Variants in NRXN3 observed in about 807,000 individuals in gnomAD.
The protein encoded by NRXN3 is neurexin III.
NRXN3 carries 32 observed loss-of-function variants against 137.6 expected under a neutral mutation model. The observed-to-expected ratio is 0.23, with a 90% CI of 0.18 to 0.31. The LOEUF is 0.31. NRXN3 is among the 10% of genes least tolerant of loss of function. The pLI is 1.00. For missense variants in NRXN3, 1,574 were observed against 2,062.5 expected (o/e 0.76, Z 4.59); for synonymous variants, 798 against 784.5 (o/e 1.02, Z -0.29).
intron 19 of NRXN3, among the ~76,000 whole-genome samples, chr14:79,714,656 T>C (rs1019067505): frequency 2.6e-5 from 4 of 152,114 alleles, no homozygotes; most frequent in Non-Finnish European, 5.9e-5. Context: ...GGAAATAAAT[T>C]ACATAAAACA....
At chr14:78,820,493 C>G (rs1465156948) in intron 10 of NRXN3, among the ~76,000 whole-genome samples, 1 of 148,352 alleles carries the variant, frequency 6.7e-6, no homozygotes, top group African/African-American at 2.5e-5. Context: ...AATCACATAG[C>G]TTTTTAACTC....
chr14:78,861,113 G>A (rs1456744189), intron 10 of NRXN3, among the ~76,000 whole-genome samples: 1 of 152,020 alleles, frequency 6.6e-6, no homozygotes, highest in African/African-American at 2.4e-5. Flanking sequence ...CTGCATAAAA[G>A]TCTTCACAAA....
intron 20 of NRXN3, among the ~76,000 whole-genome samples, chr14:79,810,337 G>A (rs2099227392): frequency 6.6e-6 from 1 of 152,128 alleles, no homozygotes; most frequent in Admixed American, 6.5e-5. Flanking sequence ...TTTCTTAAAT[G>A]TCCTTTGATC....
intron 20 of NRXN3, among the ~76,000 whole-genome samples, chr14:79,852,775 A>C (rs1370304380): frequency 6.6e-6 from 1 of 152,050 alleles, no homozygotes; most frequent in Non-Finnish European, 1.5e-5. Flanking sequence ...CTGGTTGTTC[A>C]TCTCTGAAAG....
At chr14:78,897,112 G>T (rs1276904683) in intron 10 of NRXN3, among the ~76,000 whole-genome samples, 1 of 151,854 alleles carries the variant, frequency 6.6e-6, no homozygotes, top group Non-Finnish European at 1.5e-5. Flanking sequence ...CTGCCTACAA[G>T]CTGAAAATAT....
chr14:78,505,872 C>G (rs1038415067), intron 4 of NRXN3, among the ~76,000 whole-genome samples: 8 of 152,080 alleles, frequency 5.3e-5, no homozygotes, highest in African/African-American at 1.7e-4. Flanking sequence ...CTGTACATAT[C>G]TAATTTGATG....
chr14:78,479,893 C>T (rs2095443683), intron 4 of NRXN3, among the ~76,000 whole-genome samples: 1 of 151,946 alleles, frequency 6.6e-6, no homozygotes, highest in Admixed American at 6.6e-5. Context: ...GCCTGTAATC[C>T]CAGCACTTTG....
chr14:78,891,385 A>G (rs1011423701), intron 10 of NRXN3, among the ~76,000 whole-genome samples: 1 of 152,006 alleles, frequency 6.6e-6, no homozygotes, highest in Admixed American at 6.6e-5. Flanking sequence ...CATGATGACT[A>G]TAGCGTCTGT....
intron 16 of NRXN3, among the ~76,000 whole-genome samples, chr14:79,596,357 C>A (rs962216939): frequency 2.0e-5 from 3 of 151,866 alleles, no homozygotes; most frequent in Non-Finnish European, 2.9e-5. Context: ...GAAAAAGGTA[C>A]CTAATAGGGA....
chr14:79,129,091 G>A (rs2057031655), intron 15 of NRXN3, among the ~76,000 whole-genome samples: 1 of 151,912 alleles, frequency 6.6e-6, no homozygotes, highest in African/African-American at 2.4e-5. Context: ...AATCTTGCTA[G>A]CAGTCTATCA....
chr14:79,006,306 A>G (rs1446450124), intron 15 of NRXN3, among the ~76,000 whole-genome samples: 1 of 152,038 alleles, frequency 6.6e-6, no homozygotes, highest in African/African-American at 2.4e-5. Flanking sequence ...GAGGCTCTTG[A>G]AAATAGGTGT....
At chr14:78,828,025 C>G (rs1310919356) in intron 10 of NRXN3, among the ~76,000 whole-genome samples, 1 of 152,178 alleles carries the variant, frequency 6.6e-6, no homozygotes. Context: ...TACTTGGACT[C>G]TCTGCATCTA....
intron 4 of NRXN3, among the ~76,000 whole-genome samples, chr14:78,442,430 A>T (rs2094290165): frequency 1.3e-5 from 2 of 152,214 alleles, no homozygotes; most frequent in African/African-American, 4.8e-5. Context: ...AGGAAGGATT[A>T]TCCCCAAGAG....
chr14:78,429,354 C>T (rs533569353), intron 4 of NRXN3, among the ~76,000 whole-genome samples: 9 of 152,296 alleles, frequency 5.9e-5, no homozygotes, highest in African/African-American at 2.2e-4. Context: ...GCTGGGATTA[C>T]AGGCATGAGC....
At chr14:79,754,587 C>A (rs4992342) in intron 19 of NRXN3, among the ~76,000 whole-genome samples, 5 of 127,808 alleles carry the variant, frequency 3.9e-5, no homozygotes, top group Admixed American at 8.3e-5. Context: ...CACACACACA[C>A]ACATATATAT....
chr14:78,215,345 C>A (rs1425762195), intron 1 of NRXN3, among the ~76,000 whole-genome samples: 1 of 152,136 alleles, frequency 6.6e-6, no homozygotes, highest in East Asian at 1.9e-4. Flanking sequence ...GTCCCTGCTC[C>A]TTCATCAGTG....
At chr14:78,882,404 G>A (rs1232497558) in intron 10 of NRXN3, among the ~76,000 whole-genome samples, 1 of 151,804 alleles carries the variant, frequency 6.6e-6, no homozygotes, top group Non-Finnish European at 1.5e-5. Flanking sequence ...AAGCAGCCAG[G>A]AGGGGCACTG....
intron 10 of NRXN3, among the ~76,000 whole-genome samples, chr14:78,949,232 C>T (rs1431465375): frequency 6.6e-6 from 1 of 152,110 alleles, no homozygotes; most frequent in Non-Finnish European, 1.5e-5. Context: ...TCCTTCTGCT[C>T]CTCTTCCTTC....
chr14:79,139,961 T>C (rs1349829028), intron 15 of NRXN3, among the ~76,000 whole-genome samples: 1 of 149,926 alleles, frequency 6.7e-6, no homozygotes, highest in Non-Finnish European at 1.5e-5. Flanking sequence ...ATATGAGATA[T>C]ATATGTATAT....
Sources: gnomAD v4.1 joint callset for allele counts (sites outside exome capture counted in the v4.1 genomes callset) on GRCh38, gnomAD v4.1.1 for gene constraint, MANE v1.5 for transcripts, NCBI Gene and HGNC (gene_info 2026-07-23, HGNC 2026-07-21) for gene names.